The following SELENOI variants were observed in gnomAD, a reference collection of about 807,000 sequenced individuals.
SELENOI encodes selenoprotein I.
SELENOI carries 24 observed loss-of-function variants against 50.7 expected under a neutral mutation model. The observed-to-expected ratio is 0.47, with a 90% CI of 0.34 to 0.67. The LOEUF (loss-of-function observed/expected upper bound fraction) is 0.67. SELENOI is among the 30% of genes least tolerant of loss of function. The probability of loss-of-function intolerance (pLI) is 0.01; values close to 1 mark genes in which losing one functional copy is unlikely to be tolerated. For synonymous variants in SELENOI, 155 were observed against 170.2 expected (o/e 0.91, Z 0.70); for missense variants, 352 against 461.4 (o/e 0.76, Z 2.17).
Position 26,373,438 on chromosome 2 carries a change from C to T in SELENOI, c.382C>T (p.Leu128=), listed in dbSNP as rs763997499. 4.3e-6 allele frequency: 7 copies of T among 1,613,526 alleles called. No homozygotes were observed. The highest frequency in any genetic ancestry group is 5.9e-6 in the Non-Finnish European group (7 of 1,179,722). ...TPLGELFDHG[L]DSWSCVYFVV... ...CTTAGGGGAGCTTTTTGATCATGGCCTGGATAGTTGGTCATGTGTTTACTT... is the reference window on the plus strand; with the variant it reads ...CTTAGGGGAGCTTTTTGATCATGGCTTGGATAGTTGGTCATGTGTTTACTT... Residue 128 remains leucine, a synonymous_variant, in exon 5 of 10, where the codon CTG becomes TTG. Coordinates refer to ENST00000260585, the MANE Select transcript of SELENOI (RefSeq NM_033505.4).
Position 26,375,047 on chromosome 2 carries a change from C to A in SELENOI, c.581C>A (p.Ser194Tyr), listed in dbSNP as rs746596520. Residue 194 changes from serine to tyrosine, a missense_variant, in exon 6 of 10, where the codon TCT becomes TAT. Physicochemically the swap from Ser to Tyr is moderately radical, Grantham distance 144 (BLOSUM62 -2). Transcript: ENST00000260585. Reference protein sequence around the residue: ...WGYDISQVTISFVYIVTAVVG... With the variant: ...WGYDISQVTIYFVYIVTAVVG... ...TCTGCATTTTCCTTCCAGACTATTT[C>A]TTTTGTCTACATAGTGACTGCAGTT... is the stretch of plus-strand genomic sequence containing the variant. 10 of 1,610,362 alleles carry A rather than the reference C, an allele frequency of 6.2e-6. No individual in the cohort carries two copies. The highest frequency in any genetic ancestry group is 2.2e-5 in the East Asian group (1 of 44,810).
At chr2:26,354,225 T>G (rs1677017508) in intron 1 of SELENOI, among the ~76,000 whole-genome samples, 1 of 152,028 alleles carries the variant, frequency 6.6e-6, no homozygotes, top group East Asian at 1.9e-4. Context: ...ACTGAAAATT[T>G]AAGTAATTTG....
chr2:26,355,458 A>G (rs549324912), intron 1 of SELENOI, among the ~76,000 whole-genome samples: 1 of 152,348 alleles, frequency 6.6e-6, no homozygotes, highest in Admixed American at 6.5e-5. Flanking sequence ...TGTGTTTGAT[A>G]TCCAAATTCC....
intron 7 of SELENOI, 64 bp from the exon 8 acceptor site, chr2:26,384,895 A>G: frequency 8.7e-7 from 1 of 1,149,396 alleles, no homozygotes; most frequent in Non-Finnish European, 1.2e-6. Context: ...TATAAACTAC[A>G]GTACAAGTAC....
intron 6 of SELENOI, among the ~76,000 whole-genome samples, 194 bp from the exon 7 acceptor site, chr2:26,383,105 G>A (rs1253051154): frequency 2.0e-5 from 3 of 152,132 alleles, no homozygotes; most frequent in Admixed American, 2.0e-4. Context: ...TTTTGAGTCT[G>A]CCCTCTGAAT....
At chr2:26,378,448 G>A (rs1301206680) in intron 6 of SELENOI, among the ~76,000 whole-genome samples, 1 of 152,188 alleles carries the variant, frequency 6.6e-6, no homozygotes, top group Non-Finnish European at 1.5e-5. Context: ...CATCCACCCA[G>A]GAATCTGGGC....
intron 5 of SELENOI, 47 bp from the exon 6 acceptor site, chr2:26,374,993 T>C: frequency 7.6e-7 from 1 of 1,317,664 alleles, no homozygotes; most frequent in Non-Finnish European, 1.1e-6. Context: ...TCCTGATCTT[T>C]CTAGCGTTAA....
At chr2:26,380,938 C>G (rs1044574223) in intron 6 of SELENOI, among the ~76,000 whole-genome samples, 2 of 152,072 alleles carry the variant, frequency 1.3e-5, no homozygotes, top group African/African-American at 2.4e-5. Flanking sequence ...TTACATCTCT[C>G]AAACAGATTT....
chr2:26,385,225 A>G, intron 8 of SELENOI, 86 bp downstream of exon 8: 1 of 809,178 alleles, frequency 1.2e-6, no homozygotes. Context: ...TAATATTAGA[A>G]TAAACAGATT....
rs1678072841 is a variant in SELENOI at position 26,395,572 on chromosome 2, T to C, written c.*6469T>C. ...TGTTGCAGAAACAGAGCTTCATGGCTTGCTTAAATTACTTAGCTGGAATAT... is the reference window on the plus strand; with the variant it reads ...TGTTGCAGAAACAGAGCTTCATGGCCTGCTTAAATTACTTAGCTGGAATAT... On this transcript the variant is annotated 3_prime_UTR_variant, in exon 10 of 10. Coordinates refer to ENST00000260585, the MANE Select transcript of SELENOI (RefSeq NM_033505.4). The C allele has an allele frequency of 6.5e-6, 1 of 152,680 alleles. No homozygotes were observed. Among genetic ancestry groups the C allele is most frequent in the Non-Finnish European group, 1.5e-5 (1 of 68,044 alleles). 9.5% of individuals were successfully genotyped at this position (152,680 alleles called of 1,614,324 possible). A position where few individuals can be genotyped will look rare whatever the true frequency, so the allele number is the denominator to read the frequency against.
At chr2:26,358,397 AAAAAC>A (rs1677107373) in intron 1 of SELENOI, among the ~76,000 whole-genome samples, 1 of 152,144 alleles carries the variant, frequency 6.6e-6, no homozygotes, top group Non-Finnish European at 1.5e-5. Flanking sequence ...AAAAGAAGAC[AAAAAC>A]AAAACAAAAA....
At chr2:26,353,140 G>A (rs1416409223) in intron 1 of SELENOI, among the ~76,000 whole-genome samples, 2 of 152,162 alleles carry the variant, frequency 1.3e-5, no homozygotes, top group African/African-American at 4.8e-5. Flanking sequence ...GTTCTGGTAG[G>A]ATGACTGGGT....
At chr2:26,368,001 C>A (rs1315631856) in intron 4 of SELENOI, among the ~76,000 whole-genome samples, 1 of 152,160 alleles carries the variant, frequency 6.6e-6, no homozygotes, top group South Asian at 2.1e-4. Context: ...GTGAGTACTG[C>A]GTTGTTCACT....
chr2:26,364,774 A>G (rs1677252153), intron 2 of SELENOI, 58 bp from the exon 3 acceptor site: 2 of 1,227,660 alleles, frequency 1.6e-6, no homozygotes, highest in South Asian at 1.4e-5. Flanking sequence ...ATGTTGTAGT[A>G]TACATTGGAC....
chr2:26,369,426 T>C (rs1346623735), intron 4 of SELENOI, among the ~76,000 whole-genome samples: 1 of 152,218 alleles, frequency 6.6e-6, no homozygotes, highest in Non-Finnish European at 1.5e-5. Context: ...TCTGACTTCT[T>C]TTTTTCTATT....
At chr2:26,351,490 G>A (rs1027428667) in intron 1 of SELENOI, among the ~76,000 whole-genome samples, 17 of 152,184 alleles carry the variant, frequency 1.1e-4, no homozygotes, top group African/African-American at 3.1e-4. Flanking sequence ...GAAAAATTAC[G>A]AGTGAAACTG....
At chr2:26,351,647 G>T (rs1676961425) in intron 1 of SELENOI, among the ~76,000 whole-genome samples, 1 of 152,174 alleles carries the variant, frequency 6.6e-6, no homozygotes, top group Non-Finnish European at 1.5e-5. Flanking sequence ...TGGTGGAGTG[G>T]CAGGAGATGA....
In SELENOI at chr2:26,364,360, C is replaced by G; in HGVS notation, c.116C>G (p.Thr39Ser). 1 of 1,551,682 alleles carries G rather than the reference C, an allele frequency of 6.4e-7. No homozygotes were observed. The highest frequency in any genetic ancestry group is 8.8e-7 in the Non-Finnish European group (1 of 1,142,686). ...SLYVMHPFWN[T>S]IVKVFPTWLA... ...TATGTCATGCATCCATTCTGGAACA[C>G]TATAGTAAAGGTAAGATAATTAATA... Residue 39 changes from threonine to serine, a missense_variant, in exon 2 of 10, where the codon ACT becomes AGT. Thr to Ser is a moderately conservative substitution (Grantham distance 58). Coordinates refer to ENST00000260585, the MANE Select transcript of SELENOI (RefSeq NM_033505.4).
At chr2:26,357,502 G>A (rs1226713309) in intron 1 of SELENOI, among the ~76,000 whole-genome samples, 3 of 152,094 alleles carry the variant, frequency 2.0e-5, no homozygotes, top group Admixed American at 6.6e-5. Context: ...TCATAGTTAC[G>A]GAGGCTAGAA....
Sources: allele counts gnomAD v4.1 joint callset (sites outside exome capture counted in the v4.1 genomes callset), GRCh38; gene constraint gnomAD v4.1.1; transcripts MANE v1.5; gene names NCBI Gene and HGNC (gene_info 2026-07-23, HGNC 2026-07-21).